Variants in GABRG1 observed in about 807,000 individuals in gnomAD.
GABRG1 encodes the protein gamma-aminobutyric acid type A receptor subunit gamma1.
GABRG1 carries 49 observed loss-of-function variants against 49.8 expected under a neutral mutation model. That is an observed-to-expected ratio of 0.98 (90% CI 0.78 to 1.25). The LOEUF (loss-of-function observed/expected upper bound fraction) is 1.25. Among genes scored for constraint, GABRG1 ranks in the 50% most tolerant of loss-of-function variants. The pLI, the probability that GABRG1 is intolerant of heterozygous loss-of-function variation, is 0.00. For synonymous variants in GABRG1, 232 were observed against 185.1 expected, an observed-to-expected ratio of 1.25 and a Z score of -2.06; for missense variants, 552 against 552.3, an observed-to-expected ratio of 1.00 and a Z score of 0.01.
rs960023437 is a variant in GABRG1, at chr4:46,097,299, G to T, written c.155C>A (p.Thr52Asn). ...ATGAATTTTTGGGGCCAAGACCCAG[G>T]TTTTGTTCACCGTTAAATCCTCATC... The part of the protein sequence containing the change: ...EDDEDLTVNK[T>N]WVLAPKIHEG... The change falls in exon 2 of 9, where the codon ACC (threonine) becomes AAC (asparagine). Residue 52 changes from threonine to asparagine, a missense_variant. Transcript: ENST00000295452. 10 of 1,610,648 alleles carry T rather than the reference G, an allele frequency of 6.2e-6. No homozygotes were observed. Among genetic ancestry groups the T allele is most frequent in the Non-Finnish European group, 8.5e-6 (10 of 1,177,936 alleles).
At chr4:46,079,049 T>G (rs1719464366) in intron 3 of GABRG1, among the ~76,000 whole-genome samples, 1 of 147,036 alleles carries the variant, frequency 6.8e-6, no homozygotes, top group Non-Finnish European at 1.5e-5. Context: ...TAGCTCCACA[T>G]ACATTTTTGT....
rs1717498621 is a variant in GABRG1, at chr4:46,035,862, A to C, written c.*5126T>G. On this transcript the variant is annotated 3_prime_UTR_variant, in exon 9 of 9. Transcript: ENST00000295452. ...GTAAAGAACACTGAAAAATTGAGACACCTTTGCCACAAAATTACAAATGTT... is the reference window on the plus strand; with the variant it reads ...GTAAAGAACACTGAAAAATTGAGACCCCTTTGCCACAAAATTACAAATGTT... 6.6e-6 allele frequency: 1 copy of C among 151,994 alleles called. No individual in the cohort carries two copies. Among genetic ancestry groups the C allele is most frequent in the South Asian group, 2.1e-4 (1 of 4,834 alleles). The allele number at this position is 151,994 out of a possible 1,614,324, so 9.4% of individuals were successfully genotyped here. A position where few individuals can be genotyped will look rare whatever the true frequency, so the allele number is the denominator to read the frequency against.
intron 5 of GABRG1, among the ~76,000 whole-genome samples, chr4:46,063,267 T>C (rs1718780050): frequency 6.6e-6 from 1 of 152,040 alleles, no homozygotes; most frequent in Non-Finnish European, 1.5e-5. Context: ...GACTTCAAAC[T>C]ATACTACAAG....
At chr4:46,093,608 A>T (rs2109429269) in intron 2 of GABRG1, among the ~76,000 whole-genome samples, 1 of 152,142 alleles carries the variant, frequency 6.6e-6, no homozygotes, top group South Asian at 2.1e-4. Flanking sequence ...TGGAATGTTC[A>T]TACCAAAAAG....
rs2109387982 is a variant in GABRG1 at position 46,038,151 on chromosome 4, A to C, written c.*2837T>G. ...CCACTTACATCAAGACTTCAGACTT[A>C]CTGGGAAATTTTTCCCTGTCCCTGC... On this transcript the variant is annotated 3_prime_UTR_variant, in exon 9 of 9. Coordinates refer to ENST00000295452, the MANE Select transcript of GABRG1 (RefSeq NM_173536.4). The C allele has an allele frequency of 6.6e-6, 1 of 151,862 alleles. No individual in the cohort carries two copies. The highest frequency in any genetic ancestry group is 2.4e-5 in the African/African-American group (1 of 41,538). 9.4% of individuals were successfully genotyped at this position (151,862 alleles called of 1,614,324 possible).
intron 8 of GABRG1, among the ~76,000 whole-genome samples, chr4:46,043,922 A>G (rs1248578824): frequency 6.6e-6 from 1 of 151,986 alleles, no homozygotes; most frequent in Non-Finnish European, 1.5e-5. Context: ...ATAAATCAGT[A>G]TTTACATATA....
chr4:46,110,801 C>G (rs1419087148), intron 1 of GABRG1, among the ~76,000 whole-genome samples: 4 of 151,058 alleles, frequency 2.6e-5, no homozygotes, highest in African/African-American at 4.8e-5. Flanking sequence ...ATCCAACATC[C>G]TTTCATGATA....
intron 3 of GABRG1, among the ~76,000 whole-genome samples, chr4:46,083,071 G>A (rs1266358874): frequency 6.6e-6 from 1 of 151,636 alleles, no homozygotes; most frequent in East Asian, 1.9e-4. Context: ...ATGAGCATTT[G>A]GGGTACATAG....
rs557470307 is a variant in GABRG1, at chr4:46,038,134, A to T, written c.*2854T>A. ...AATTAGTTATCTAATTCCCACTTAC[A>T]TCAAGACTTCAGACTTACTGGGAAA... On this transcript the variant is annotated 3_prime_UTR_variant, in exon 9 of 9. Transcript: ENST00000295452. The T allele has an allele frequency of 1.3e-5, 2 of 151,628 alleles. No homozygotes were observed. Among genetic ancestry groups the T allele is most frequent in the African/African-American group, 4.8e-5 (2 of 41,394 alleles). The allele number at this position is 151,628 out of a possible 1,614,324, so 9.4% of individuals were successfully genotyped here. A position where few individuals can be genotyped will look rare whatever the true frequency, so the allele number is the denominator to read the frequency against.
intron 1 of GABRG1, 29 bp from the exon 2 acceptor site, chr4:46,097,378 G>T: frequency 6.3e-7 from 1 of 1,582,762 alleles, no homozygotes; most frequent in Non-Finnish European, 8.6e-7. Context: ...AAAATGGATG[G>T]TAGAAGGTTC....
rs576447927 is a variant in GABRG1, at chr4:46,109,138, A to G, written c.105-11789T>C. 2.7e-5 allele frequency among the ~76,000 whole-genome samples: 4 copies of G among 150,876 alleles called. No individual in the cohort carries two copies. In the East Asian group the frequency reaches 5.9e-4, roughly 22 times the overall value. ...CCTAGTAGAATTTGGCTGTGAATCC[A>G]TCTGGCCCAGGGCTTTTTTTTGGTT... On this transcript the variant is annotated intron_variant, in intron 1 of 8. Coordinates refer to ENST00000295452, the MANE Select transcript of GABRG1 (RefSeq NM_173536.4).
At chr4:46,079,466 C>G (rs371513043) in intron 3 of GABRG1, among the ~76,000 whole-genome samples, 1 of 151,752 alleles carries the variant, frequency 6.6e-6, no homozygotes, top group Non-Finnish European at 1.5e-5. Flanking sequence ...ATCACTTTTG[C>G]GATTGGAAAA....
chr4:46,063,896 T>C (rs1270566886), intron 5 of GABRG1, among the ~76,000 whole-genome samples: 1 of 152,154 alleles, frequency 6.6e-6, no homozygotes, highest in Non-Finnish European at 1.5e-5. Flanking sequence ...GTTTTTATAC[T>C]CTAATTATTC....
chr4:46,068,062 C>T (rs879395208), intron 3 of GABRG1, among the ~76,000 whole-genome samples: 1 of 152,104 alleles, frequency 6.6e-6, no homozygotes, highest in Admixed American at 6.6e-5. Context: ...ACACAAATGA[C>T]TAACCATTCA....
At chr4:46,112,356 A>G (rs1304794002) in intron 1 of GABRG1, among the ~76,000 whole-genome samples, 1 of 151,426 alleles carries the variant, frequency 6.6e-6, no homozygotes, top group African/African-American at 2.4e-5. Flanking sequence ...TAGGCTGTGG[A>G]GAAAAGGAAA....
rs1226886699 is a variant in GABRG1 at position 46,097,188 on chromosome 4, A to C, written c.253+13T>G. On this transcript the variant is annotated intron_variant, in intron 2 of 8. Transcript: ENST00000295452. Reference sequence around the variant, plus strand: ...ATGGTCATCAAAATCCCAGAATGGTAACTCAAGCTTACCTCCTATATCTGG... The same window carrying C: ...ATGGTCATCAAAATCCCAGAATGGTCACTCAAGCTTACCTCCTATATCTGG... The C allele has an allele frequency of 6.3e-7, 1 of 1,591,884 alleles. No individual in the cohort carries two copies. The highest frequency in any genetic ancestry group is 8.5e-7 in the Non-Finnish European group (1 of 1,170,136).
chr4:46,046,063 G>T (rs962616184), intron 8 of GABRG1, among the ~76,000 whole-genome samples: 8 of 152,100 alleles, frequency 5.3e-5, no homozygotes, highest in African/African-American at 1.9e-4. Context: ...TGAGATTTTG[G>T]ACAAAATGTT....
At chr4:46,059,755 G>T (rs1413890858) in intron 5 of GABRG1, among the ~76,000 whole-genome samples, 1 of 151,890 alleles carries the variant, frequency 6.6e-6, no homozygotes, top group Non-Finnish European at 1.5e-5. Flanking sequence ...AAGTTAACAT[G>T]AATGCATATT....
intron 1 of GABRG1, among the ~76,000 whole-genome samples, chr4:46,099,135 T>C (rs1014590161): frequency 6.6e-6 from 1 of 151,734 alleles, no homozygotes; most frequent in African/African-American, 2.4e-5. Flanking sequence ...GAAATAATTA[T>C]GCTTCTCACC....
Sources: gnomAD v4.1 joint callset for allele counts (sites outside exome capture counted in the v4.1 genomes callset) on GRCh38, gnomAD v4.1.1 for gene constraint, MANE v1.5 for transcripts, NCBI Gene and HGNC (gene_info 2026-07-23, HGNC 2026-07-21) for gene names.